PTPRG: variants seen among roughly 807,000 people sequenced by gnomAD.
PTPRG encodes receptor-type tyrosine-protein phosphatase gamma.
PTPRG carries 102 observed loss-of-function variants against 165.3 expected under a neutral mutation model. The ratio of observed to expected loss-of-function variants is 0.62; its 90% CI spans 0.53 to 0.73. The LOEUF is 0.73. Among genes scored for constraint, PTPRG ranks in the 30% least tolerant of loss-of-function variants. The pLI, the probability that PTPRG is intolerant of heterozygous loss-of-function variation, is 0.00. For synonymous variants in PTPRG, 675 were observed against 669.5 expected, an observed-to-expected ratio of 1.01 and a Z score of -0.13; for missense variants, 1,866 against 1,861.4, an observed-to-expected ratio of 1.00 and a Z score of -0.05.
At chr3:62,191,055 G>C (rs1407499776) in intron 8 of PTPRG, among the ~76,000 whole-genome samples, 1 of 152,180 alleles carries the variant, frequency 6.6e-6, no homozygotes, top group African/African-American at 2.4e-5. Flanking sequence ...AAACAGTTCT[G>C]TGTGTGTGCG....
At chr3:61,609,284 T>C (rs995657239) in intron 1 of PTPRG, among the ~76,000 whole-genome samples, 1 of 152,190 alleles carries the variant, frequency 6.6e-6, no homozygotes, top group Admixed American at 6.5e-5. Flanking sequence ...CATTTTAATT[T>C]TCATGTTTTC....
At chr3:61,957,806 A>G (rs1338372414) in intron 2 of PTPRG, among the ~76,000 whole-genome samples, 1 of 152,174 alleles carries the variant, frequency 6.6e-6, no homozygotes, top group African/African-American at 2.4e-5. Context: ...CCAGTTTTGC[A>G]CTATTGAATC....
chr3:62,174,577 T>C (rs1269793572), intron 8 of PTPRG, among the ~76,000 whole-genome samples: 1 of 152,184 alleles, frequency 6.6e-6, no homozygotes, highest in African/African-American at 2.4e-5. Flanking sequence ...CTATTTAAAA[T>C]CAGTACATTG....
chr3:62,143,002 A>T (rs1178862237), intron 6 of PTPRG, among the ~76,000 whole-genome samples: 1 of 152,066 alleles, frequency 6.6e-6, no homozygotes, highest in Non-Finnish European at 1.5e-5. Context: ...ATGAGAAGTG[A>T]CCCAGCCCAG....
At chr3:62,206,762 G>A (rs1212082579) in intron 12 of PTPRG, among the ~76,000 whole-genome samples, 6 of 151,766 alleles carry the variant, frequency 4.0e-5, no homozygotes, top group African/African-American at 4.8e-5. Context: ...GTGAAACCCC[G>A]TCTCTAGAAA....
At chr3:62,066,652 C>A (rs1701022478) in intron 4 of PTPRG, among the ~76,000 whole-genome samples, 1 of 152,116 alleles carries the variant, frequency 6.6e-6, no homozygotes, top group African/African-American at 2.4e-5. Context: ...CATAGAATAG[C>A]CATGCAAGCA....
chr3:61,636,017 T>G (rs886619536), intron 1 of PTPRG, among the ~76,000 whole-genome samples: 1 of 152,176 alleles, frequency 6.6e-6, no homozygotes, highest in Non-Finnish European at 1.5e-5. Flanking sequence ...ACTGGAGAGC[T>G]CACCACTTCA....
chr3:62,039,125 G>T (rs1700044534), intron 4 of PTPRG, among the ~76,000 whole-genome samples: 1 of 152,052 alleles, frequency 6.6e-6, no homozygotes, highest in Non-Finnish European at 1.5e-5. Context: ...AGTAGGGACG[G>T]GGTTTCACTG....
At chr3:62,123,218 G>A (rs1048866065) in intron 5 of PTPRG, among the ~76,000 whole-genome samples, 1 of 152,160 alleles carries the variant, frequency 6.6e-6, no homozygotes, top group Non-Finnish European at 1.5e-5. Context: ...TAGATTGCTA[G>A]CAGAACCCAG....
intron 2 of PTPRG, among the ~76,000 whole-genome samples, chr3:61,795,414 G>A (rs1349105810): frequency 2.6e-5 from 4 of 151,952 alleles, no homozygotes; most frequent in South Asian, 2.1e-4. Context: ...AGGCTGAGGC[G>A]GGCGGATCAT....
intron 3 of PTPRG, among the ~76,000 whole-genome samples, chr3:61,998,854 T>A (rs2041103959): frequency 6.6e-6 from 1 of 152,214 alleles, no homozygotes; most frequent in South Asian, 2.1e-4. Context: ...TCTGTCCTAG[T>A]TAGTTCAGGC....
chr3:61,844,880 A>G (rs928808816), intron 2 of PTPRG, among the ~76,000 whole-genome samples: 26 of 152,174 alleles, frequency 1.7e-4, no homozygotes, highest in African/African-American at 6.3e-4. Flanking sequence ...GGGACATTGA[A>G]TGGTTAGATA....
At chr3:61,582,597 G>T (rs2106800531) in intron 1 of PTPRG, among the ~76,000 whole-genome samples, 1 of 152,306 alleles carries the variant, frequency 6.6e-6, no homozygotes, top group South Asian at 2.1e-4. Flanking sequence ...TGTATTCTGT[G>T]TTTGTTGGGA....
rs1490456701 is a variant in PTPRG, at chr3:62,210,984, A to G, written c.2155+7034A>G. Among the ~76,000 whole-genome samples the G allele has an allele frequency of 2.0e-5, 3 of 152,212 alleles. No individual in the cohort carries two copies. The highest frequency in any genetic ancestry group is 4.4e-5 in the Non-Finnish European group (3 of 68,036). ...TCAGGGATTAGCACCCCTAATGCCT[A>G]TGTTGTTGGTGGGTTAACTGTATGC... On this transcript the variant is annotated intron_variant, in intron 12 of 29. Transcript: ENST00000474889. This position sits in a 1 kb window ranked among gnomAD's most constrained non-coding sequence, Gnocchi z 4.1.
intron 4 of PTPRG, among the ~76,000 whole-genome samples, chr3:62,038,005 A>G (rs1700005847): frequency 6.6e-6 from 1 of 152,148 alleles, no homozygotes; most frequent in African/African-American, 2.4e-5. Context: ...AGTCCTTAAC[A>G]CTGAGCCTTG....
intron 2 of PTPRG, among the ~76,000 whole-genome samples, chr3:61,850,041 C>G (rs1405111411): frequency 3.9e-5 from 6 of 152,048 alleles, no homozygotes; most frequent in East Asian, 1.9e-4. Context: ...GACCCTTCTC[C>G]CCTTCTTCTC....
chr3:62,043,208 TC>T (rs1008979607), intron 4 of PTPRG, among the ~76,000 whole-genome samples: 2 of 152,246 alleles, frequency 1.3e-5, no homozygotes, highest in African/African-American at 4.8e-5. Context: ...AATATGTTTT[TC>T]CACTAGGTTT....
At chr3:61,946,875 C>G (rs1319855511) in intron 2 of PTPRG, among the ~76,000 whole-genome samples, 2 of 152,112 alleles carry the variant, frequency 1.3e-5, no homozygotes, top group Non-Finnish European at 1.5e-5. Flanking sequence ...AACTTTTTAA[C>G]AAAATTATTG....
intron 2 of PTPRG, among the ~76,000 whole-genome samples, chr3:61,804,665 T>C (rs1319629114): frequency 2.0e-5 from 3 of 149,528 alleles, no homozygotes; most frequent in Non-Finnish European, 4.4e-5. Context: ...TCTTTTCCTG[T>C]GTCTTTCTCT....
Sources: allele counts gnomAD v4.1 joint callset (sites outside exome capture counted in the v4.1 genomes callset), GRCh38; gene constraint gnomAD v4.1.1; non-coding constraint Gnocchi (gnomAD v3.1); transcripts MANE v1.5; gene names NCBI Gene and HGNC (gene_info 2026-07-23, HGNC 2026-07-21).